Variants in ADCY1 observed in about 807,000 individuals in gnomAD.
The protein encoded by ADCY1 is adenylate cyclase 1, also known as adenylate cyclase type 1.
Under a neutral mutation model 105.4 loss-of-function variants are expected in ADCY1, and 28 were observed. That is an observed-to-expected ratio of 0.27 (90% CI 0.20 to 0.36). The LOEUF (loss-of-function observed/expected upper bound fraction) is 0.36. Ranked by LOEUF, ADCY1 falls within the 10% of genes least tolerant of loss-of-function variation. ADCY1 has a pLI of 1.00. For missense variants in ADCY1, 977 were observed against 1,434.2 expected (o/e 0.68, Z 5.15); for synonymous variants, 655 against 623.8 (o/e 1.05, Z -0.75).
chr7:45,600,330 T>G (rs1423892878), intron 2 of ADCY1, among the ~76,000 whole-genome samples: 1 of 152,192 alleles, frequency 6.6e-6, no homozygotes, highest in African/African-American at 2.4e-5. Flanking sequence ...CACACACAGC[T>G]GCAGGCTGCA....
At chr7:45,595,460 C>A (rs1034724912) in intron 2 of ADCY1, among the ~76,000 whole-genome samples, 1 of 152,184 alleles carries the variant, frequency 6.6e-6, no homozygotes, top group African/African-American at 2.4e-5. Flanking sequence ...CCTCCTGTTT[C>A]CCCTGCCCCT....
intron 1 of ADCY1, among the ~76,000 whole-genome samples, chr7:45,579,575 A>G (rs1349330844): frequency 6.6e-6 from 1 of 152,044 alleles, no homozygotes; most frequent in Non-Finnish European, 1.5e-5. Context: ...CTGTGCATCC[A>G]TCTGCCTTGG....
At chr7:45,657,552 G>A (rs1414204858) in intron 5 of ADCY1, among the ~76,000 whole-genome samples, 175 bp from the exon 6 acceptor site, 1 of 152,238 alleles carries the variant, frequency 6.6e-6, no homozygotes, top group Non-Finnish European at 1.5e-5. Flanking sequence ...CCCACAGGTG[G>A]GCAGGAAGGC....
chr7:45,648,631 A>G (rs1274815272), intron 4 of ADCY1, 39 bp from the exon 5 acceptor site: 1 of 1,613,086 alleles, frequency 6.2e-7, no homozygotes, highest in East Asian at 2.2e-5. Flanking sequence ...CAGCCTCTGT[A>G]GCGCTGTCTC....
intron 1 of ADCY1, among the ~76,000 whole-genome samples, chr7:45,588,974 T>C (rs1245079787): frequency 6.6e-6 from 1 of 152,172 alleles, no homozygotes; most frequent in Admixed American, 6.5e-5. Context: ...GAGTCTAACC[T>C]GTGTCCCACG....
At chr7:45,635,601 GTTTTTTTTTT>G (rs71030884) in intron 4 of ADCY1, among the ~76,000 whole-genome samples, 24 of 57,204 alleles carry the variant, frequency 4.2e-4, no homozygotes, top group African/African-American at 9.0e-4. Context: ...AATTTCTCTT[GTTTTTTTTTT>G]TTTTTTTTTT....
chr7:45,598,131 T>G (rs150896662), intron 2 of ADCY1, among the ~76,000 whole-genome samples: 67 of 152,332 alleles, frequency 4.4e-4, no homozygotes, highest in African/African-American at 1.6e-3. Context: ...TGGTTAGGAA[T>G]GTAAGGACTT....
At chr7:45,648,529 G>A in intron 4 of ADCY1, 141 bp from the exon 5 acceptor site, 1 of 1,119,772 alleles carries the variant, frequency 8.9e-7, no homozygotes, top group Non-Finnish European at 1.3e-6. Context: ...GGTGTGGCCT[G>A]GGCGGGAAGG....
At chr7:45,620,342 A>G (rs1329235909) in intron 3 of ADCY1, among the ~76,000 whole-genome samples, 1 of 152,180 alleles carries the variant, frequency 6.6e-6, no homozygotes, top group Non-Finnish European at 1.5e-5. Flanking sequence ...GTACACTTTA[A>G]AAAGAATTAG....
At chr7:45,660,485 A>C (rs888484919) in intron 7 of ADCY1, among the ~76,000 whole-genome samples, 1 of 152,204 alleles carries the variant, frequency 6.6e-6, no homozygotes, top group African/African-American at 2.4e-5. Flanking sequence ...CAAAGTGGGC[A>C]TGAAACCCCG....
At chr7:45,698,811 C>T (rs994528301) in intron 14 of ADCY1, among the ~76,000 whole-genome samples, 1 of 152,186 alleles carries the variant, frequency 6.6e-6, no homozygotes, top group Non-Finnish European at 1.5e-5. Flanking sequence ...ATGCCTCACC[C>T]TCCTATCAAG....
intron 14 of ADCY1, among the ~76,000 whole-genome samples, chr7:45,694,997 C>T (rs978047239): frequency 2.6e-5 from 4 of 152,234 alleles, no homozygotes; most frequent in African/African-American, 9.6e-5. Context: ...TGTGTCCTCT[C>T]TGGTATTTTC....
intron 1 of ADCY1, among the ~76,000 whole-genome samples, chr7:45,587,106 C>T (rs958597321): frequency 6.6e-6 from 1 of 152,192 alleles, no homozygotes; most frequent in African/African-American, 2.4e-5. Flanking sequence ...TTTTCATACC[C>T]AATAGGAGTG....
rs1193664895 is a variant in ADCY1 at position 45,703,112 on chromosome 7, G to A, written c.2455-264G>A. Among the ~76,000 whole-genome samples, 2 of 152,288 alleles carry A rather than the reference G, an allele frequency of 1.3e-5. No individual in the cohort carries two copies. The highest frequency in any genetic ancestry group is 4.8e-5 in the African/African-American group (2 of 41,560). ...CCTAAGGGGTGGCGGAGGGCAGGGCGGACCCTGGAAATGAGGTGAAGCCAT... is the reference window on the plus strand; with the variant it reads ...CCTAAGGGGTGGCGGAGGGCAGGGCAGACCCTGGAAATGAGGTGAAGCCAT... On this transcript the variant is annotated intron_variant, in intron 14 of 19. Coordinates refer to ENST00000297323, the MANE Select transcript of ADCY1 (RefSeq NM_021116.4). The surrounding 1 kb of genome is among the most constrained non-coding windows in gnomAD (Gnocchi z 5.9).
At chr7:45,693,726 CAAT>C (rs1376848793) in intron 14 of ADCY1, among the ~76,000 whole-genome samples, 26 of 149,444 alleles carry the variant, frequency 1.7e-4, no homozygotes, top group African/African-American at 6.2e-4. Context: ...AAATGTCCAA[CAAT>C]GATAGACTGG....
At chr7:45,628,593 G>C (rs922918236) in intron 4 of ADCY1, among the ~76,000 whole-genome samples, 1 of 152,152 alleles carries the variant, frequency 6.6e-6, no homozygotes, top group South Asian at 2.1e-4. Context: ...ACATCCCATG[G>C]GCTGTGTTTT....
chr7:45,673,691 A>G (rs1784402981), intron 8 of ADCY1, among the ~76,000 whole-genome samples: 1 of 151,800 alleles, frequency 6.6e-6, no homozygotes, highest in African/African-American at 2.4e-5. Context: ...TGCCAACTTG[A>G]TTGATAATTT....
chr7:45,583,936 T>TG (rs1792638146), intron 1 of ADCY1, among the ~76,000 whole-genome samples: 1 of 106,706 alleles, frequency 9.4e-6, no homozygotes, highest in Non-Finnish European at 2.0e-5. Flanking sequence ...CACTGTGCCC[T>TG]GTTTTTTTTT....
intron 4 of ADCY1, among the ~76,000 whole-genome samples, chr7:45,632,660 C>T (rs1302006269): frequency 6.6e-6 from 1 of 152,064 alleles, no homozygotes; most frequent in African/African-American, 2.4e-5. Flanking sequence ...ACCTCCTGGG[C>T]TCAAGCAATC....
Sources: gnomAD v4.1 joint callset for allele counts (sites outside exome capture counted in the v4.1 genomes callset) on GRCh38, gnomAD v4.1.1 for gene constraint, Gnocchi (gnomAD v3.1) non-coding constraint, MANE v1.5 for transcripts, NCBI Gene and HGNC (gene_info 2026-07-23, HGNC 2026-07-21) for gene names.